CACNA1S: variants seen among roughly 807,000 people sequenced by gnomAD.
CACNA1S encodes the protein calcium voltage-gated channel subunit alpha1 S.
In CACNA1S, 126 loss-of-function variants were observed where a neutral mutation model predicts 207.4. That is an observed-to-expected ratio of 0.61 (90% CI 0.53 to 0.70). The LOEUF is 0.70. CACNA1S is among the 30% of genes least tolerant of loss of function. The pLI, the probability that CACNA1S is intolerant of heterozygous loss-of-function variation, is 0.00. For synonymous variants in CACNA1S, 960 were observed against 932.7 expected (o/e 1.03, Z -0.53); for missense variants, 2,349 against 2,422.8 (o/e 0.97, Z 0.64).
At chr1:201,048,861 T>C in intron 35 of CACNA1S, 142 bp downstream of exon 35, 1 of 835,860 alleles carries the variant, frequency 1.2e-6, no homozygotes, top group Non-Finnish European at 2.0e-6. Flanking sequence ...TTGCTGAGAC[T>C]TCAGGCCCTT....
In CACNA1S at chr1:201,040,629, G is replaced by A. The variant is rs987296380; in HGVS notation, c.5219C>T (p.Pro1740Leu). 6.2e-7 allele frequency: 1 copy of A among 1,613,582 alleles called. No homozygotes were observed. The highest frequency in any genetic ancestry group is 1.3e-5 in the African/African-American group (1 of 74,994). The part of the protein sequence containing the change: ...AMPRGQAPPA[P>L]CQCPRVESSM... ...GGCCTCTGCCACTGTTACCTGGCAGGGGGCAGGAGGTGCCTGGCCTCTGGG... is the reference window on the plus strand; with the variant it reads ...GGCCTCTGCCACTGTTACCTGGCAGAGGGCAGGAGGTGCCTGGCCTCTGGG... Residue 1740 changes from proline (P) to leucine (L), a missense_variant, in exon 42 of 44, where the codon CCC becomes CTC. Coordinates refer to ENST00000362061, the MANE Select transcript of CACNA1S (RefSeq NM_000069.3).
At chr1:201,108,686 C>T (rs1227593610) in intron 2 of CACNA1S, among the ~76,000 whole-genome samples, 2 of 152,154 alleles carry the variant, frequency 1.3e-5, no homozygotes, top group Non-Finnish European at 2.9e-5. Flanking sequence ...AGCAAGCACA[C>T]ATTTAGAATC....
Position 201,040,257 on chromosome 1 carries a change from G to T in CACNA1S, c.5344C>A (p.Pro1782Thr). The T allele has an allele frequency of 2.5e-6, 4 of 1,613,774 alleles. No homozygotes were observed. Among genetic ancestry groups the T allele is most frequent in the Non-Finnish European group, 3.4e-6 (4 of 1,180,006 alleles). ...TTTTGGATCAGCAGGGCTGTAGCTG[G>T]TGCTGAGCACCTGGAAGTATTCTCC... ...TRENTSRCSAPATALLIQKAL... is the reference protein window; with the variant it reads ...TRENTSRCSATATALLIQKAL... The change falls in exon 43 of 44, where the codon CCA becomes ACA. Residue 1782 changes from proline (P) to threonine (T), a missense_variant. Transcript: ENST00000362061.
chr1:201,083,469 G>T, intron 9 of CACNA1S, 147 bp from the exon 10 acceptor site: 1 of 790,130 alleles, frequency 1.3e-6, no homozygotes, highest in Non-Finnish European at 2.2e-6. Context: ...GCATGAGCTA[G>T]GGAGCCAGAC....
At chr1:201,058,142 C>T (rs562020532) in intron 28 of CACNA1S, among the ~76,000 whole-genome samples, 1 of 152,340 alleles carries the variant, frequency 6.6e-6, no homozygotes, top group South Asian at 2.1e-4. Flanking sequence ...CTGACCACCC[C>T]ACCCAGAGAC....
chr1:201,112,163 C>A (rs751250483), intron 1 of CACNA1S, 25 bp downstream of exon 1: 3 of 1,607,252 alleles, frequency 1.9e-6, no homozygotes, highest in Admixed American at 3.3e-5. Context: ...ACACCCCCCC[C>A]CACGGCCCGG....
chr1:201,078,999 T>C (rs911141004), intron 10 of CACNA1S, among the ~76,000 whole-genome samples: 1 of 151,636 alleles, frequency 6.6e-6, no homozygotes, highest in East Asian at 1.9e-4. Context: ...CATGAGCCTG[T>C]AGTCCCAGCT....
At chr1:201,061,122 A>G (rs1346711573) in intron 25 of CACNA1S, 145 bp downstream of exon 25, 2 of 728,140 alleles carry the variant, frequency 2.7e-6, no homozygotes, top group Non-Finnish European at 4.8e-6. Flanking sequence ...GAGATAGGGT[A>G]GGGTGCATGG....
chr1:201,042,524 G>T (rs558825355), intron 40 of CACNA1S, among the ~76,000 whole-genome samples: 2 of 152,218 alleles, frequency 1.3e-5, no homozygotes, highest in African/African-American at 2.4e-5. Context: ...CAGGGCTGAT[G>T]CTTCTGTATT....
chr1:201,059,297 G>C lies in CACNA1S; in HGVS notation c.3417C>G (p.His1139Gln), dbSNP rs1204964501. ...MLNTICLGMQ[H>Q]YNQSEQMNHI... ...GGTTCATCTGCTCCGACTGGTTGTA[G>C]TGCTGTGGAGGGGACACAGGAGCAG... The change falls in exon 27 of 44, where the codon CAC (histidine) becomes CAG (glutamine). Residue 1139 changes from histidine (H) to glutamine (Q), a missense_variant and splice_region_variant. Physicochemically the swap from His to Gln is conservative, Grantham distance 24 (BLOSUM62 0). Transcript: ENST00000362061. 8.1e-6 allele frequency: 13 copies of C among 1,609,596 alleles called. No individual in the cohort carries two copies. Among genetic ancestry groups the C allele is most frequent in the Non-Finnish European group, 9.4e-6 (11 of 1,175,954 alleles).
chr1:201,100,752 T>A (rs1025930781), intron 2 of CACNA1S, among the ~76,000 whole-genome samples: 1 of 152,012 alleles, frequency 6.6e-6, no homozygotes, highest in Non-Finnish European at 1.5e-5. Flanking sequence ...TCTTGGGTAA[T>A]GAGGATAATA....
chr1:201,056,635 A>G (rs1660854592), intron 28 of CACNA1S, among the ~76,000 whole-genome samples: 1 of 152,194 alleles, frequency 6.6e-6, no homozygotes, highest in Non-Finnish European at 1.5e-5. Context: ...CCAGGATGCC[A>G]CTTGGGCAAC....
At chr1:201,090,475 G>C (rs1662184372) in intron 5 of CACNA1S, among the ~76,000 whole-genome samples, 1 of 152,184 alleles carries the variant, frequency 6.6e-6, no homozygotes, top group Non-Finnish European at 1.5e-5. Flanking sequence ...TTTAGGACTG[G>C]TGTTGACTGT....
rs927006381 is a variant in CACNA1S at position 201,070,148 on chromosome 1, G to A, written c.2360+124C>T. Reference sequence around the variant, plus strand: ...TTTTAAACAGGGCACAAGATCTTAAGCTAAAACACTGAGTTTCTCATAGTA... The same window carrying A: ...TTTTAAACAGGGCACAAGATCTTAAACTAAAACACTGAGTTTCTCATAGTA... On this transcript the variant is annotated intron_variant, in intron 17 of 43. Transcript: ENST00000362061. The A allele has an allele frequency of 4.6e-6, 5 of 1,081,158 alleles. No homozygotes were observed. In the African/African-American group the frequency reaches 7.8e-5, roughly 17 times the overall value. 67.0% of individuals were successfully genotyped at this position (1,081,158 alleles called of 1,614,324 possible). A position where few individuals can be genotyped will look rare whatever the true frequency, so the allele number is the denominator to read the frequency against.
At chr1:201,097,796 T>A (rs1463602920) in intron 2 of CACNA1S, among the ~76,000 whole-genome samples, 2 of 152,192 alleles carry the variant, frequency 1.3e-5, no homozygotes, top group Non-Finnish European at 2.9e-5. Flanking sequence ...GGAGGTTTTA[T>A]GGCTTGAGAA....
intron 32 of CACNA1S, 86 bp downstream of exon 32, chr1:201,052,471 C>T: frequency 9.3e-7 from 1 of 1,074,502 alleles, no homozygotes; most frequent in Admixed American, 1.7e-5. Context: ...ACCCATGAAG[C>T]CAGCCCTGGC....
intron 2 of CACNA1S, among the ~76,000 whole-genome samples, chr1:201,104,039 T>G (rs893682034): frequency 6.6e-6 from 1 of 152,176 alleles, no homozygotes; most frequent in African/African-American, 2.4e-5. Flanking sequence ...ACCATCTACT[T>G]AAGAAAAATC....
At chr1:201,070,739 C>T (rs565534122) in intron 16 of CACNA1S, among the ~76,000 whole-genome samples, 6 of 152,230 alleles carry the variant, frequency 3.9e-5, no homozygotes, top group Non-Finnish European at 5.9e-5. Flanking sequence ...GAGTGGGAAA[C>T]GCTGCTTCAG....
chr1:201,066,878 G>A lies in CACNA1S; in HGVS notation c.2657+9C>T, dbSNP rs375784883. 1.5e-4 allele frequency: 244 copies of A among 1,605,562 alleles called. No individual in the cohort carries two copies. The highest frequency in any genetic ancestry group is 8.3e-4 in the Middle Eastern group (5 of 6,026). ...TCTGTGCCCAGGGCTGGCCCTTGCC[G>A]CTGCTCACTCAAGTCCCATGGAGAT... On this transcript the variant is annotated intron_variant, in intron 20 of 43. Coordinates refer to ENST00000362061, the MANE Select transcript of CACNA1S (RefSeq NM_000069.3). This position sits in a 1 kb window ranked among gnomAD's most constrained non-coding sequence, Gnocchi z 4.3.
Sources: allele counts gnomAD v4.1 joint callset (sites outside exome capture counted in the v4.1 genomes callset), GRCh38; gene constraint gnomAD v4.1.1; non-coding constraint Gnocchi (gnomAD v3.1); transcripts MANE v1.5; gene names NCBI Gene and HGNC (gene_info 2026-07-23, HGNC 2026-07-21).